The following NPAS3 variants were observed in gnomAD, a reference collection of about 807,000 sequenced individuals.
The protein encoded by NPAS3 is neuronal PAS domain-containing protein 3.
NPAS3 carries 14 observed loss-of-function variants against 73.1 expected under a neutral mutation model. The observed-to-expected ratio is 0.19, with a 90% CI of 0.13 to 0.30. The LOEUF (loss-of-function observed/expected upper bound fraction) is 0.30. Ranked by LOEUF, NPAS3 falls within the 10% of genes least tolerant of loss-of-function variation. The pLI is 1.00. For missense variants in NPAS3, 1,096 were observed against 1,250.0 expected, an observed-to-expected ratio of 0.88 and a Z score of 1.86; for synonymous variants, 620 against 541.5, an observed-to-expected ratio of 1.14 and a Z score of -2.01.
intron 2 of NPAS3, among the ~76,000 whole-genome samples, chr14:33,178,321 C>T (rs887573147): frequency 6.6e-6 from 1 of 152,058 alleles, no homozygotes; most frequent in Non-Finnish European, 1.5e-5. Flanking sequence ...GATCTGCCTG[C>T]CTCGGCCTCC....
chr14:33,750,291 G>A (rs572825787), intron 7 of NPAS3, among the ~76,000 whole-genome samples: 1 of 151,752 alleles, frequency 6.6e-6, no homozygotes, highest in East Asian at 1.9e-4. Context: ...CATCATAGAG[G>A]TAGAAGAAAT....
chr14:33,684,780 A>G (rs925705662), intron 6 of NPAS3, among the ~76,000 whole-genome samples: 4 of 152,202 alleles, frequency 2.6e-5, no homozygotes, highest in East Asian at 1.9e-4. Context: ...GTGTCGGCCA[A>G]CACTGGGCCA....
At chr14:33,509,184 G>C (rs570255306) in intron 4 of NPAS3, among the ~76,000 whole-genome samples, 4 of 151,824 alleles carry the variant, frequency 2.6e-5, no homozygotes, top group Admixed American at 1.3e-4. Context: ...ATATTGCTTT[G>C]TGTTATCGCT....
chr14:33,740,521 G>A (rs1206494884), intron 7 of NPAS3, among the ~76,000 whole-genome samples: 2 of 152,202 alleles, frequency 1.3e-5, no homozygotes, highest in African/African-American at 4.8e-5. Context: ...AAGCCCTATG[G>A]CATACCACTA....
At chr14:33,273,169 C>T (rs1020211250) in intron 3 of NPAS3, among the ~76,000 whole-genome samples, 1 of 152,052 alleles carries the variant, frequency 6.6e-6, no homozygotes, top group African/African-American at 2.4e-5. Flanking sequence ...TGTGGGCTGT[C>T]CCCTGACTCC....
At chr14:33,099,452 A>C (rs1324672660) in intron 2 of NPAS3, among the ~76,000 whole-genome samples, 3 of 152,220 alleles carry the variant, frequency 2.0e-5, no homozygotes, top group African/African-American at 7.2e-5. Flanking sequence ...GCCTTGCTTT[A>C]AAATTCTACA....
chr14:33,774,225 A>T, intron 7 of NPAS3, 112 bp from the exon 8 acceptor site: 1 of 755,702 alleles, frequency 1.3e-6, no homozygotes, highest in South Asian at 1.9e-5. Context: ...ATTACAGAAG[A>T]TACAAGCTAA....
At chr14:33,785,157 C>A (rs1050006956) in intron 9 of NPAS3, among the ~76,000 whole-genome samples, 1 of 150,876 alleles carries the variant, frequency 6.6e-6, no homozygotes, top group Non-Finnish European at 1.5e-5. Flanking sequence ...TACTTCTGGC[C>A]GGGCATGGTG....
chr14:33,709,886 A>G (rs937515786), intron 6 of NPAS3, among the ~76,000 whole-genome samples: 5 of 152,086 alleles, frequency 3.3e-5, no homozygotes, highest in Non-Finnish European at 7.4e-5. Flanking sequence ...TTTACAGACC[A>G]CTCCCTTACC....
intron 6 of NPAS3, among the ~76,000 whole-genome samples, chr14:33,678,081 G>A (rs1339175361): frequency 6.6e-6 from 1 of 152,118 alleles, no homozygotes; most frequent in Non-Finnish European, 1.5e-5. Flanking sequence ...TTGTTTCCTT[G>A]AATCACAAAT....
At chr14:33,339,421 T>C (rs1164689562) in intron 3 of NPAS3, among the ~76,000 whole-genome samples, 1 of 152,194 alleles carries the variant, frequency 6.6e-6, no homozygotes, top group Non-Finnish European at 1.5e-5. Context: ...TTTCAAAGCC[T>C]CTTTTTTCAA....
At chr14:33,563,537 C>CACACACACACACACACACACACAGAGAG in intron 5 of NPAS3, among the ~76,000 whole-genome samples, 1,360 of 119,300 alleles carry the variant, frequency 0.011, 25 homozygotes, top group East Asian at 0.033. Flanking sequence ...CACACACACA[C>CACACACACACACACACACACACAGAGAG]AGAGAGAGAG....
intron 2 of NPAS3, among the ~76,000 whole-genome samples, chr14:33,087,677 AT>A (rs1235046602): frequency 6.6e-6 from 1 of 152,184 alleles, no homozygotes; most frequent in East Asian, 1.9e-4. Context: ...AATTTTATTT[AT>A]ACAAGTACTA....
chr14:33,213,168 T>C (rs189475049), intron 2 of NPAS3, among the ~76,000 whole-genome samples: 12 of 152,196 alleles, frequency 7.9e-5, no homozygotes, highest in Non-Finnish European at 1.5e-4. Flanking sequence ...TGACATTCCC[T>C]GCCTGAACCC....
intron 6 of NPAS3, among the ~76,000 whole-genome samples, chr14:33,693,668 A>G (rs1483148146): frequency 2.6e-5 from 4 of 152,186 alleles, no homozygotes; most frequent in African/African-American, 7.2e-5. Flanking sequence ...ACAGCCAAGA[A>G]AAAAAGCCTG....
chr14:33,488,135 G>A (rs1460494770), intron 4 of NPAS3, among the ~76,000 whole-genome samples: 1 of 152,062 alleles, frequency 6.6e-6, no homozygotes, highest in Non-Finnish European at 1.5e-5. Context: ...AGAACATTTA[G>A]ATAGAGCTCT....
chr14:33,675,553 C>CTGAT (rs1049829158), intron 5 of NPAS3, among the ~76,000 whole-genome samples: 7 of 152,246 alleles, frequency 4.6e-5, no homozygotes, highest in East Asian at 1.9e-4. Flanking sequence ...GCAAAACAAG[C>CTGAT]TGATTGCAGC....
At chr14:33,221,333 C>T (rs2047419286) in intron 3 of NPAS3, among the ~76,000 whole-genome samples, 1 of 152,272 alleles carries the variant, frequency 6.6e-6, no homozygotes, top group South Asian at 2.1e-4. Flanking sequence ...CACATTGCAC[C>T]TCTACTGGGA....
At position 33,398,910 on chromosome 14, in the gene NPAS3, CT is replaced by C. The variant is rs1594834851; in HGVS notation, c.468+31643del. Among the ~76,000 whole-genome samples the C allele has an allele frequency of 8.6e-5, 13 of 152,042 alleles. No individual in the cohort carries two copies. The East Asian group carries it at 2.5e-3, about 29-fold the overall frequency. ...AAGGGGCTCCTGAGGTTATATTTTG[CT>C]ACAATATGAAAATTAATTGTGACAA... is the stretch of plus-strand genomic sequence containing the variant. On this transcript the variant is annotated intron_variant, in intron 4 of 11. Transcript: ENST00000356141.
Sources: gnomAD v4.1 joint callset for allele counts (sites outside exome capture counted in the v4.1 genomes callset) on GRCh38, gnomAD v4.1.1 for gene constraint, MANE v1.5 for transcripts, NCBI Gene and HGNC (gene_info 2026-07-23, HGNC 2026-07-21) for gene names.